Variants in ABCC1 observed in about 807,000 individuals in gnomAD.
ABCC1 encodes the protein ATP binding cassette subfamily C member 1 (ABCC1 blood group).
In ABCC1, 83 loss-of-function variants were observed where a neutral mutation model predicts 172.9. The observed-to-expected ratio is 0.48, with a 90% CI of 0.40 to 0.58. The LOEUF is 0.58. Among genes scored for constraint, ABCC1 ranks in the 20% least tolerant of loss-of-function variants. The pLI is 0.00. For missense variants in ABCC1, 1,817 were observed against 2,002.7 expected (o/e 0.91, Z 1.77); for synonymous variants, 937 against 825.2 (o/e 1.14, Z -2.32).
chr16:16,069,157 T>TAA (rs1380666361), intron 13 of ABCC1, among the ~76,000 whole-genome samples: 15 of 133,134 alleles, frequency 1.1e-4, no homozygotes, highest in African/African-American at 4.2e-4. Context: ...AAAAATAAAA[T>TAA]AAAATAAAAT....
chr16:16,035,394 T>G (rs246233), intron 6 of ABCC1, among the ~76,000 whole-genome samples: 13,867 of 152,108 alleles, frequency 0.091, 1,045 homozygotes, highest in East Asian at 0.37. Context: ...ATAGAAAGAT[T>G]AATATAATAA....
At chr16:16,079,304 G>A in intron 15 of ABCC1, 48 bp from the exon 16 acceptor site, 4 of 1,604,628 alleles carry the variant, frequency 2.5e-6, no homozygotes, top group Non-Finnish European at 3.4e-6. Context: ...CATTAGCCCG[G>A]CAGGCCTCAT....
intron 12 of ABCC1, among the ~76,000 whole-genome samples, chr16:16,062,339 TTTTC>T (rs1303322004): frequency 2.0e-5 from 3 of 152,066 alleles, no homozygotes; most frequent in Admixed American, 1.3e-4. Flanking sequence ...TTCTTCTCTT[TTTTC>T]TTTCTTTCTT....
At chr16:16,135,053 G>T (rs1028945085) in intron 28 of ABCC1, among the ~76,000 whole-genome samples, 10 of 152,156 alleles carry the variant, frequency 6.6e-5, no homozygotes, top group Admixed American at 6.5e-5. Context: ...TCCTGTCCCC[G>T]GGAGGGGTAG....
rs1280283067 is a variant in ABCC1 at position 16,025,001 on chromosome 16, GAAACAAAA to G, written c.616-8100_616-8093del. Among the ~76,000 whole-genome samples, 9 of 151,748 alleles carry G rather than the reference GAAACAAAA, an allele frequency of 5.9e-5. No homozygotes were observed. The East Asian group carries it at 1.7e-3, about 29-fold the overall frequency. On this transcript the variant is annotated intron_variant, in intron 5 of 30. Coordinates refer to ENST00000399410, the MANE Select transcript of ABCC1 (RefSeq NM_004996.4). ...TCAACATAGTGAGACCCCATCTCTT[GAAACAAAA>G]AAACAAAGAAAACAGACAAGTTGAT...
chr16:16,061,288 C>G (rs1377624425), intron 12 of ABCC1, among the ~76,000 whole-genome samples: 2 of 152,198 alleles, frequency 1.3e-5, no homozygotes, highest in African/African-American at 4.8e-5. Flanking sequence ...TAAAGCTGCA[C>G]CAGATGGTAT....
intron 1 of ABCC1, among the ~76,000 whole-genome samples, chr16:15,974,303 G>C (rs2046434806): frequency 6.6e-6 from 1 of 152,158 alleles, no homozygotes; most frequent in Non-Finnish European, 1.5e-5. Flanking sequence ...GTGGAGACAA[G>C]AAGGCAGCTT....
chr16:16,000,576 T>C (rs930957644), intron 1 of ABCC1, among the ~76,000 whole-genome samples: 8 of 152,142 alleles, frequency 5.3e-5, no homozygotes, highest in Admixed American at 3.3e-4. Flanking sequence ...TCATAGCTAG[T>C]CTCTACCTGG....
chr16:16,044,756 C>T, intron 8 of ABCC1, 76 bp downstream of exon 8: 1 of 1,377,238 alleles, frequency 7.3e-7, no homozygotes, highest in South Asian at 1.2e-5. Context: ...CAGTCATAAC[C>T]CTGGGGTCAT....
chr16:16,106,342 G>C (rs45499596), intron 20 of ABCC1, among the ~76,000 whole-genome samples: 46 of 147,820 alleles, frequency 3.1e-4, no homozygotes, highest in Non-Finnish European at 2.7e-4. Context: ...TTTGAAAAAT[G>C]ATCTACGATG....
chr16:16,074,543 G>T (rs1485632401), intron 14 of ABCC1, among the ~76,000 whole-genome samples: 2 of 152,110 alleles, frequency 1.3e-5, no homozygotes, highest in African/African-American at 2.4e-5. Flanking sequence ...CCTGGGTGCC[G>T]CCCGCACCCC....
At chr16:16,056,354 A>G in intron 12 of ABCC1, 59 bp downstream of exon 12, 1 of 1,577,714 alleles carries the variant, frequency 6.3e-7, no homozygotes, top group Non-Finnish European at 8.7e-7. Flanking sequence ...TTCTCTGCGT[A>G]CCTGAATATT....
intron 1 of ABCC1, among the ~76,000 whole-genome samples, chr16:15,988,429 T>C (rs1236614371): frequency 6.6e-6 from 1 of 152,208 alleles, no homozygotes; most frequent in Admixed American, 6.5e-5. Flanking sequence ...GAATGCTGTC[T>C]GTCCTGTTAC....
At chr16:16,063,974 G>C (rs1445159091) in intron 12 of ABCC1, among the ~76,000 whole-genome samples, 3 of 152,160 alleles carry the variant, frequency 2.0e-5, no homozygotes, top group Non-Finnish European at 2.9e-5. Context: ...GCCAAGGTAG[G>C]GGGTGAGGGA....
At chr16:16,125,719 T>C in intron 25 of ABCC1, 91 bp from the exon 26 acceptor site, 1 of 800,920 alleles carries the variant, frequency 1.2e-6, no homozygotes, top group South Asian at 1.9e-5. Context: ...GAAAATAATT[T>C]GTTTCCTATT....
chr16:16,138,316 G>A (rs745431949), intron 29 of ABCC1, 48 bp from the exon 30 acceptor site: 9 of 1,532,356 alleles, frequency 5.9e-6, no homozygotes, highest in Non-Finnish European at 8.0e-6. Flanking sequence ...TCAGGGTCAG[G>A]GGTGGTTTGA....
intron 14 of ABCC1, among the ~76,000 whole-genome samples, chr16:16,075,166 A>G (rs556605086): frequency 2.1e-4 from 32 of 152,052 alleles, no homozygotes; most frequent in African/African-American, 7.5e-4. Flanking sequence ...GCTGGTCTCG[A>G]ACTCCTGACA....
At chr16:16,061,092 T>C (rs1221943991) in intron 12 of ABCC1, among the ~76,000 whole-genome samples, 1 of 151,796 alleles carries the variant, frequency 6.6e-6, no homozygotes, top group African/African-American at 2.4e-5. Flanking sequence ...CCAAGCCAAT[T>C]TTTTGTATTT....
intron 1 of ABCC1, among the ~76,000 whole-genome samples, chr16:15,966,391 GA>G (rs1352060061): frequency 7.1e-6 from 1 of 140,622 alleles, no homozygotes; most frequent in Admixed American, 7.3e-5. Flanking sequence ...CAGCCTGGGT[GA>G]CAGAGAGACT....
Sources: allele counts gnomAD v4.1 joint callset (sites outside exome capture counted in the v4.1 genomes callset), GRCh38; gene constraint gnomAD v4.1.1; transcripts MANE v1.5; gene names NCBI Gene and HGNC (gene_info 2026-07-23, HGNC 2026-07-21).